The following ITPKB variants were observed in gnomAD, a reference collection of about 807,000 sequenced individuals.
The protein encoded by ITPKB is inositol-trisphosphate 3-kinase B, also known as IP3 3-kinase B.
In ITPKB, 13 loss-of-function variants were observed where a neutral mutation model predicts 69.4. The observed-to-expected ratio is 0.19, with a 90% CI of 0.12 to 0.30. The LOEUF (loss-of-function observed/expected upper bound fraction) is 0.30. Among genes scored for constraint, ITPKB ranks in the 10% least tolerant of loss-of-function variants. ITPKB has a pLI of 1.00. For missense variants in ITPKB, 1,240 were observed against 1,250.5 expected (o/e 0.99, Z 0.13); for synonymous variants, 584 against 513.7 (o/e 1.14, Z -1.85).
intron 2 of ITPKB, among the ~76,000 whole-genome samples, chr1:226,699,856 A>G (rs547427418): frequency 2.7e-4 from 41 of 152,322 alleles, no homozygotes; most frequent in African/African-American, 7.7e-4. Context: ...TTTATTAAGT[A>G]TTAACTCACA....
At chr1:226,653,189 G>A (rs1289308858) in intron 2 of ITPKB, among the ~76,000 whole-genome samples, 1 of 152,180 alleles carries the variant, frequency 6.6e-6, no homozygotes, top group African/African-American at 2.4e-5. Context: ...GGCTCAGCAA[G>A]TTACTTCTCC....
intron 2 of ITPKB, among the ~76,000 whole-genome samples, chr1:226,720,014 G>A (rs1657193522): frequency 6.6e-6 from 1 of 152,262 alleles, no homozygotes; most frequent in South Asian, 2.1e-4. Flanking sequence ...TGCCCTTTAG[G>A]GTTAAGAGTT....
At chr1:226,704,578 C>CA (rs1381197899) in intron 2 of ITPKB, among the ~76,000 whole-genome samples, 1 of 149,884 alleles carries the variant, frequency 6.7e-6, no homozygotes, top group Admixed American at 6.6e-5. Flanking sequence ...GGGAAATGAG[C>CA]AAAAACATGT....
At chr1:226,712,141 G>A (rs927469798) in intron 2 of ITPKB, among the ~76,000 whole-genome samples, 7 of 152,140 alleles carry the variant, frequency 4.6e-5, no homozygotes, top group South Asian at 4.1e-4. Flanking sequence ...TGTGTCTTCC[G>A]GAGACCTCAG....
chr1:226,661,548 A>C (rs1331631280), intron 2 of ITPKB, among the ~76,000 whole-genome samples: 1 of 152,162 alleles, frequency 6.6e-6, no homozygotes, highest in Non-Finnish European at 1.5e-5. Context: ...TAGCCAGATA[A>C]ACTGAGATTT....
chr1:226,635,640 C>T (rs1472451897), intron 7 of ITPKB, among the ~76,000 whole-genome samples: 1 of 152,238 alleles, frequency 6.6e-6, no homozygotes, highest in Non-Finnish European at 1.5e-5. Flanking sequence ...GGGGAAGGTG[C>T]CCAGGAGCGT....
chr1:226,736,414 A>T lies in ITPKB; in HGVS notation c.1045T>A (p.Phe349Ile), dbSNP rs1657765238. The T allele has an allele frequency of 1.2e-6, 2 of 1,612,390 alleles. No homozygotes were observed. Among genetic ancestry groups the T allele is most frequent in the African/African-American group, 2.7e-5 (2 of 74,906 alleles). The stretch of plus-strand genomic sequence containing the variant: ...GCTGGGCTTGTCTCACTGCCCAGAA[A>T]CTGCCCCTGCCTCTCCACCAGGGCC... Reference protein sequence around the residue: ...PEALVERQGQFLGSETSPAPE... With the variant: ...PEALVERQGQILGSETSPAPE... The change falls in exon 2 of 8, where the codon TTT becomes ATT. Residue 349 changes from phenylalanine to isoleucine, a missense_variant. Physicochemically the swap from Phe to Ile is conservative, Grantham distance 21. Coordinates refer to ENST00000429204, the MANE Select transcript of ITPKB (RefSeq NM_002221.4).
chr1:226,729,564 A>G (rs937979479), intron 2 of ITPKB, among the ~76,000 whole-genome samples: 7 of 150,674 alleles, frequency 4.6e-5, no homozygotes, highest in Non-Finnish European at 1.0e-4. Context: ...GAAGCTATCG[A>G]AAAGTTTTTG....
In ITPKB at chr1:226,647,202, G is replaced by A. The variant is rs931390834; in HGVS notation, c.2211C>T (p.Asp737=). The change falls in exon 4 of 8, where the codon GAC becomes GAT. Residue 737 remains aspartate, a synonymous_variant. Transcript: ENST00000429204. ...NQMDDLLADF[D]SPCVMDCKMG... The stretch of plus-strand genomic sequence containing the variant: ...TCTTGCAGTCCATCACACAGGGCGA[G>A]TCGAAGTCGGCCAGCAGGTCGTCCA... 10 of 1,614,224 alleles carry A rather than the reference G, an allele frequency of 6.2e-6. 1 individual carries two copies. Among genetic ancestry groups the A allele is most frequent in the Middle Eastern group, 1.6e-4 (1 of 6,062 alleles).
chr1:226,657,137 G>GC (rs1451529038), intron 2 of ITPKB: 6 of 152,272 alleles, frequency 3.9e-5, no homozygotes, highest in African/African-American at 1.4e-4. Context: ...AGTTCCTTAG[G>GC]CCCCCAGATG....
intron 2 of ITPKB, among the ~76,000 whole-genome samples, chr1:226,719,130 G>A (rs920550427): frequency 1.2e-4 from 19 of 152,130 alleles, no homozygotes; most frequent in African/African-American, 4.6e-4. Context: ...CACAAAAAAA[G>A]TAGCCAGTTG....
intron 2 of ITPKB, among the ~76,000 whole-genome samples, chr1:226,726,153 G>A (rs1034745166): frequency 2.0e-5 from 3 of 152,182 alleles, no homozygotes; most frequent in Admixed American, 2.0e-4. Context: ...CCATTTTACA[G>A]ATTGAGGATA....
In ITPKB at chr1:226,738,699, G is replaced by GCGGAGCGCAGGGCTTCTCCGCATCC. The variant is rs1657897373; in HGVS notation, c.-206+317_-206+341dup. Among the ~76,000 whole-genome samples the GCGGAGCGCAGGGCTTCTCCGCATCC allele has an allele frequency of 6.6e-6, 1 of 152,164 alleles. No homozygotes were observed. The highest frequency in any genetic ancestry group is 1.5e-5 in the Non-Finnish European group (1 of 68,008). ...CGCTCTAACACCCCAGGGCAGCGCCGCGGAGCGCAGGGCTTCTCCGCATCC... is the reference window on the plus strand; with the variant it reads ...CGCTCTAACACCCCAGGGCAGCGCCGCGGAGCGCAGGGCTTCTCCGCATCCCGGAGCGCAGGGCTTCTCCGCATCC... On this transcript the variant is annotated intron_variant, in intron 1 of 7. Transcript: ENST00000429204. The surrounding 1 kb of genome is among the most constrained non-coding windows in gnomAD (Gnocchi z 4.2).
chr1:226,709,736 ACAGGCCCACCTGACCTG>A (rs1239250683), intron 2 of ITPKB, among the ~76,000 whole-genome samples: 1 of 152,158 alleles, frequency 6.6e-6, no homozygotes, highest in Admixed American at 6.5e-5. Context: ...GTCCCTGTCT[ACAGGCCCACCTGACCTG>A]CAATTAGGTT....
Position 226,633,923 on chromosome 1 carries a change from T to A in ITPKB, c.*748A>T, listed in dbSNP as rs1237728271. The A allele has an allele frequency of 9.9e-5, 15 of 152,220 alleles. No individual in the cohort carries two copies. Among genetic ancestry groups the A allele is most frequent in the African/African-American group, 3.6e-4 (15 of 41,424 alleles). The allele number at this position is 152,220 out of a possible 1,614,324, so 9.4% of individuals were successfully genotyped here. A position where few individuals can be genotyped will look rare whatever the true frequency, so the allele number is the denominator to read the frequency against. Reference sequence around the variant, plus strand: ...AGAGTGTGCCTTCTGAACTCATGGGTTGCAATTCCAAGTGGCACAGCTTCT... The same window carrying A: ...AGAGTGTGCCTTCTGAACTCATGGGATGCAATTCCAAGTGGCACAGCTTCT... On this transcript the variant is annotated 3_prime_UTR_variant, in exon 8 of 8. Coordinates refer to ENST00000429204, the MANE Select transcript of ITPKB (RefSeq NM_002221.4).
intron 2 of ITPKB, among the ~76,000 whole-genome samples, chr1:226,686,554 T>C (rs930101237): frequency 1.3e-5 from 2 of 152,208 alleles, no homozygotes; most frequent in Non-Finnish European, 2.9e-5. Flanking sequence ...CTGTGCATCC[T>C]CTGGGGCCCT....
intron 2 of ITPKB, among the ~76,000 whole-genome samples, chr1:226,684,650 G>A (rs1571857605): frequency 1.3e-5 from 2 of 152,200 alleles, no homozygotes; most frequent in African/African-American, 2.4e-5. Context: ...GTCAGCTACC[G>A]AAATGCAGAT....
chr1:226,707,160 T>A (rs1656821831), intron 2 of ITPKB: 1 of 685,808 alleles, frequency 1.5e-6, no homozygotes, highest in South Asian at 6.6e-5. Flanking sequence ...ATAAAAACAT[T>A]ATTGCCAAAT....
chr1:226,658,215 C>T (rs187103263), intron 2 of ITPKB, among the ~76,000 whole-genome samples: 2 of 152,318 alleles, frequency 1.3e-5, no homozygotes, highest in African/African-American at 4.8e-5. Flanking sequence ...ATTTCCTTCA[C>T]TGGGGAAAAG....
Sources: allele counts gnomAD v4.1 joint callset (sites outside exome capture counted in the v4.1 genomes callset), GRCh38; gene constraint gnomAD v4.1.1; non-coding constraint Gnocchi (gnomAD v3.1); transcripts MANE v1.5; gene names NCBI Gene and HGNC (gene_info 2026-07-23, HGNC 2026-07-21).